Variants in TRPM7 observed in about 807,000 individuals in gnomAD.
The protein encoded by TRPM7 is LTRPC ion channel family member 7.
Under a neutral mutation model 229.7 loss-of-function variants are expected in TRPM7, and 134 were observed. That is an observed-to-expected ratio of 0.58 (90% CI 0.51 to 0.67). TRPM7 has a LOEUF of 0.67. Among genes scored for constraint, TRPM7 ranks in the 30% least tolerant of loss-of-function variants. The pLI, the probability that TRPM7 is intolerant of heterozygous loss-of-function variation, is 0.00. For missense variants in TRPM7, 1,901 were observed against 2,210.0 expected, an observed-to-expected ratio of 0.86 and a Z score of 2.80; for synonymous variants, 699 against 715.2, an observed-to-expected ratio of 0.98 and a Z score of 0.36.
At chr15:50,679,538 A>ATATATATATATATT (rs1400383980) in intron 1 of TRPM7, among the ~76,000 whole-genome samples, 1 of 43,904 alleles carries the variant, frequency 2.3e-5, no homozygotes, top group African/African-American at 1.1e-4. Context: ...ATATATATAT[A>ATATATATATATATT]TTTTTTTTTT....
At chr15:50,667,696 G>C (rs116400604) in intron 1 of TRPM7, among the ~76,000 whole-genome samples, 4 of 152,010 alleles carry the variant, frequency 2.6e-5, no homozygotes, top group African/African-American at 9.7e-5. Context: ...AACAGAAGGA[G>C]ACTCCATCCC....
At chr15:50,654,446 C>CA (rs1452127276) in intron 3 of TRPM7, among the ~76,000 whole-genome samples, 1 of 149,458 alleles carries the variant, frequency 6.7e-6, no homozygotes, top group African/African-American at 2.5e-5. Context: ...GACACCATCT[C>CA]AAAAAAATAA....
intron 15 of TRPM7, 27 bp downstream of exon 15, chr15:50,613,680 G>C: frequency 6.8e-7 from 1 of 1,480,258 alleles, no homozygotes; most frequent in Non-Finnish European, 8.9e-7. Flanking sequence ...TAAAAACCCA[G>C]AAAGAATAAT....
At chr15:50,607,419 A>AAATGACACACACAAAAACAGACG in intron 19 of TRPM7, 91 bp from the exon 20 acceptor site, 1 of 1,079,028 alleles carries the variant, frequency 9.3e-7, no homozygotes, top group Non-Finnish European at 1.3e-6. Flanking sequence ...AAAAACAGAC[A>AAATGACACACACAAAAACAGACG]TTAAATGAAC....
chr15:50,635,282 C>T (rs2060857392), intron 7 of TRPM7, among the ~76,000 whole-genome samples: 1 of 137,084 alleles, frequency 7.3e-6, no homozygotes, highest in Non-Finnish European at 1.5e-5. Context: ...CATGCCACTG[C>T]ACTCCAGCCT....
chr15:50,578,736 A>C (rs2054258493), intron 30 of TRPM7, 72 bp from the exon 31 acceptor site: 3 of 1,056,158 alleles, frequency 2.8e-6, no homozygotes, highest in Non-Finnish European at 4.0e-6. Flanking sequence ...TAATTTTTTG[A>C]TTTTATACAA....
intron 28 of TRPM7, among the ~76,000 whole-genome samples, chr15:50,585,490 A>G (rs183458950): frequency 6.6e-6 from 1 of 152,332 alleles, no homozygotes; most frequent in Admixed American, 6.5e-5. Context: ...ATGCTTTGTG[A>G]TAATTTTTTG....
Position 50,601,410 on chromosome 15 carries a change from G to A in TRPM7, c.2989-2114C>T, listed in dbSNP as rs553187721. ...TGTAATCCCAGCACTTTGGGAGGCC[G>A]AGGCAGGCGGATCACAAGGTCAGGG... On this transcript the variant is annotated intron_variant, in intron 21 of 38. Coordinates refer to ENST00000646667, the MANE Select transcript of TRPM7 (RefSeq NM_017672.6). 1.9e-3 allele frequency among the ~76,000 whole-genome samples: 291 copies of A among 152,298 alleles called. 1 individual carries two copies. The highest frequency in any genetic ancestry group is 6.4e-3 in the African/African-American group (267 of 41,570).
chr15:50,640,171 C>A (rs1175580546), intron 5 of TRPM7, among the ~76,000 whole-genome samples: 7 of 152,170 alleles, frequency 4.6e-5, no homozygotes, highest in African/African-American at 1.7e-4. Context: ...GCAAAACACA[C>A]ACACACACAA....
chr15:50,572,629 G>A (rs1316781769), intron 36 of TRPM7, among the ~76,000 whole-genome samples: 2 of 152,202 alleles, frequency 1.3e-5, no homozygotes, highest in Admixed American at 1.3e-4. Flanking sequence ...TATCTCTAAT[G>A]TATGCTTGTA....
In TRPM7 at chr15:50,598,806, G is replaced by A. The variant is rs114998451; in HGVS notation, c.3163+316C>T. On this transcript the variant is annotated intron_variant, in intron 22 of 38. Transcript: ENST00000646667. ...TTGGCAGCCGGAAGAAAAAGAACAA[G>A]TGTCCTTAGCTATGAATTAACCAAC... Among the ~76,000 whole-genome samples, 292 of 152,250 alleles carry A rather than the reference G, an allele frequency of 1.9e-3. 1 individual carries two copies. Among genetic ancestry groups the A allele is most frequent in the African/African-American group, 6.5e-3 (268 of 41,548 alleles).
chr15:50,640,260 C>T (rs2061053755), intron 5 of TRPM7, among the ~76,000 whole-genome samples: 1 of 151,898 alleles, frequency 6.6e-6, no homozygotes, highest in African/African-American at 2.4e-5. Flanking sequence ...CATATAACTC[C>T]TCATTATCAC....
intron 33 of TRPM7, among the ~76,000 whole-genome samples, 167 bp downstream of exon 33, chr15:50,575,557 T>C (rs752799380): frequency 2.6e-5 from 4 of 152,334 alleles, no homozygotes; most frequent in Non-Finnish European, 5.9e-5. Context: ...TTCTGATGCT[T>C]CCCTTCTTCT....
At chr15:50,580,988 T>C in intron 29 of TRPM7, 80 bp from the exon 30 acceptor site, 1 of 1,429,246 alleles carries the variant, frequency 7.0e-7, no homozygotes, top group Non-Finnish European at 9.4e-7. Flanking sequence ...TTTAACTTTT[T>C]TTCTTATATT....
At chr15:50,607,119 C>T (rs1215025352) in intron 20 of TRPM7, 81 bp downstream of exon 20, 49 of 1,309,466 alleles carry the variant, frequency 3.7e-5, no homozygotes, top group African/African-American at 1.5e-4. Context: ...CACCCCCCTA[C>T]GTATACACCC....
chr15:50,631,619 TATA>T lies in TRPM7; in HGVS notation c.1132-133_1132-131del, dbSNP rs2060735816. 4 of 501,954 alleles carry T rather than the reference TATA, an allele frequency of 8.0e-6. No individual in the cohort carries two copies. The South Asian group carries it at 1.3e-4, about 16-fold the overall frequency. 31.1% of individuals were successfully genotyped at this position (501,954 alleles called of 1,614,324 possible). A position where few individuals can be genotyped will look rare whatever the true frequency, so the allele number is the denominator to read the frequency against. ...TGTATCTAGGAATCTATGTATTATG[TATA>T]TATAAACATACATACACATAATATA... On this transcript the variant is annotated intron_variant, in intron 9 of 38. Coordinates refer to ENST00000646667, the MANE Select transcript of TRPM7 (RefSeq NM_017672.6).
At position 50,586,457 on chromosome 15, in the gene TRPM7, C is replaced by T. The variant is rs35293353; in HGVS notation, c.4421G>A (p.Arg1474Gln). Residue 1474 changes from arginine (R) to glutamine (Q), a missense_variant, in exon 28 of 39, where the codon CGA becomes CAA. Coordinates refer to ENST00000646667, the MANE Select transcript of TRPM7 (RefSeq NM_017672.6). Reference sequence around the variant, plus strand: ...AGTAAATCCAGCAAGAGAACTCACTCGTTTCAAAGTGTTTTCAGAAGTATT... The same window carrying T: ...AGTAAATCCAGCAAGAGAACTCACTTGTTTCAAAGTGTTTTCAGAAGTATT... ...NNNTSENTLK[R>Q]VSSLAGFTDC... 4.9e-4 allele frequency: 783 copies of T among 1,612,820 alleles called. 4 individuals are homozygous for T. In the African/African-American group the frequency reaches 9.7e-3, roughly 20 times the overall value.
chr15:50,571,415 GC>G (rs1055674386), intron 36 of TRPM7, among the ~76,000 whole-genome samples: 1 of 152,220 alleles, frequency 6.6e-6, no homozygotes, highest in African/African-American at 2.4e-5. Context: ...ATGGTTTGCT[GC>G]AAGCACTGTT....
chr15:50,620,461 C>G (rs548512443), intron 12 of TRPM7, among the ~76,000 whole-genome samples: 19 of 152,216 alleles, frequency 1.2e-4, no homozygotes, highest in African/African-American at 4.3e-4. Context: ...TTGCCATTAT[C>G]TTACTTCTCT....
Sources: gnomAD v4.1 joint callset for allele counts (sites outside exome capture counted in the v4.1 genomes callset) on GRCh38, gnomAD v4.1.1 for gene constraint, MANE v1.5 for transcripts, NCBI Gene and HGNC (gene_info 2026-07-23, HGNC 2026-07-21) for gene names.